PKIG: variants seen among roughly 807,000 people sequenced by gnomAD.
PKIG encodes protein kinase (cAMP-dependent, catalytic) inhibitor gamma.
Under a neutral mutation model 6.8 loss-of-function variants are expected in PKIG, and 1 was observed. That is an observed-to-expected ratio of 0.15 (90% CI 0.05 to 0.69). PKIG has a LOEUF of 0.69. Among genes scored for constraint, PKIG ranks in the 30% least tolerant of loss-of-function variants. The pLI is 0.82. For synonymous variants in PKIG, 39 were observed against 43.0 expected, an observed-to-expected ratio of 0.91 and a Z score of 0.36; for missense variants, 77 against 104.0, an observed-to-expected ratio of 0.74 and a Z score of 1.13.
intron 2 of PKIG, among the ~76,000 whole-genome samples, chr20:44,606,796 A>G (rs1384421926): frequency 6.6e-6 from 1 of 152,174 alleles, no homozygotes; most frequent in African/African-American, 2.4e-5. Flanking sequence ...GCGACAGAAC[A>G]AGACTCCATC....
At chr20:44,561,626 A>G (rs1329975543) in intron 1 of PKIG, among the ~76,000 whole-genome samples, 3 of 152,140 alleles carry the variant, frequency 2.0e-5, no homozygotes, top group Non-Finnish European at 2.9e-5. Context: ...TTTTTTTTTC[A>G]AGTTTTTTCT....
At chr20:44,577,575 T>C (rs2064910022) in intron 1 of PKIG, among the ~76,000 whole-genome samples, 1 of 152,242 alleles carries the variant, frequency 6.6e-6, no homozygotes, top group Admixed American at 6.5e-5. Flanking sequence ...ATTATGATTA[T>C]AATTGGAAGA....
chr20:44,566,494 G>A (rs1312293139), intron 1 of PKIG, among the ~76,000 whole-genome samples: 5 of 152,182 alleles, frequency 3.3e-5, no homozygotes, highest in Non-Finnish European at 7.3e-5. Context: ...TATATTATAT[G>A]TAAATGAAAC....
intron 1 of PKIG, among the ~76,000 whole-genome samples, chr20:44,534,175 T>C (rs556444500): frequency 1.3e-4 from 20 of 152,066 alleles, no homozygotes; most frequent in South Asian, 6.2e-4. Flanking sequence ...AAAGAGCCAG[T>C]GGAGAGAGAG....
upstream of PKIG, among the ~76,000 whole-genome samples, chr20:44,579,805 G>C (rs1375655566): frequency 6.6e-6 from 1 of 152,148 alleles, no homozygotes; most frequent in Non-Finnish European, 1.5e-5. Context: ...TTATGAATGG[G>C]CTCCTTACTA....
chr20:44,582,256 G>A (rs2064954746), upstream of PKIG, among the ~76,000 whole-genome samples: 1 of 152,150 alleles, frequency 6.6e-6, no homozygotes, highest in South Asian at 2.1e-4. Context: ...AAACACACAG[G>A]AAAGCAGACA....
chr20:44,565,794 G>C (rs1023674075), intron 1 of PKIG, among the ~76,000 whole-genome samples: 1 of 152,144 alleles, frequency 6.6e-6, no homozygotes, highest in African/African-American at 2.4e-5. Flanking sequence ...ACAGAGTATT[G>C]CTCTGTCGCC....
intron 1 of PKIG, among the ~76,000 whole-genome samples, chr20:44,540,574 T>G (rs1312126033): frequency 6.6e-6 from 1 of 151,630 alleles, no homozygotes; most frequent in Non-Finnish European, 1.5e-5. Flanking sequence ...TTTTTTTTTG[T>G]TTTTGTTTTT....
chr20:44,568,119 T>C (rs186383795), intron 1 of PKIG, among the ~76,000 whole-genome samples: 3 of 152,280 alleles, frequency 2.0e-5, no homozygotes, highest in African/African-American at 7.2e-5. Context: ...CGAGCCTGGG[T>C]GACAGAATGA....
chr20:44,616,064 A>G (rs2065261629), intron 3 of PKIG, among the ~76,000 whole-genome samples: 1 of 152,122 alleles, frequency 6.6e-6, no homozygotes. Context: ...TCCTCTCGCC[A>G]GCCATAGTCA....
chr20:44,573,380 T>G (rs2064869918), intron 1 of PKIG, among the ~76,000 whole-genome samples: 1 of 152,278 alleles, frequency 6.6e-6, no homozygotes, highest in Non-Finnish European at 1.5e-5. Flanking sequence ...TTTAACATTT[T>G]GTTGTTGAGA....
intron 3 of PKIG, among the ~76,000 whole-genome samples, chr20:44,615,039 C>G (rs2065252242): frequency 6.6e-6 from 1 of 152,084 alleles, no homozygotes; most frequent in Non-Finnish European, 1.5e-5. Flanking sequence ...CGGCCGGCTT[C>G]CCTGGGCTCC....
intron 1 of PKIG, among the ~76,000 whole-genome samples, chr20:44,587,966 C>T (rs1480156555): frequency 6.6e-6 from 1 of 151,970 alleles, no homozygotes; most frequent in Non-Finnish European, 1.5e-5. Context: ...ATGCAAGGTG[C>T]GGTGGGGAAT....
intron 1 of PKIG, among the ~76,000 whole-genome samples, chr20:44,583,020 A>G (rs2064961259): frequency 6.6e-6 from 1 of 152,228 alleles, no homozygotes; most frequent in South Asian, 2.1e-4. Context: ...CCTTGCTCCA[A>G]ATATAGGTGA....
intron 2 of PKIG, among the ~76,000 whole-genome samples, chr20:44,593,516 A>G (rs994788896): frequency 6.6e-5 from 10 of 152,144 alleles, no homozygotes; most frequent in African/African-American, 2.2e-4. Flanking sequence ...CAGAAAGACA[A>G]ATACTACAGG....
chr20:44,561,336 CA>C (rs906391101), intron 1 of PKIG, among the ~76,000 whole-genome samples: 65 of 140,636 alleles, frequency 4.6e-4, no homozygotes, highest in Non-Finnish European at 5.8e-4. Context: ...GACTCCGTCT[CA>C]AAAAAAAAAA....
intron 1 of PKIG, among the ~76,000 whole-genome samples, chr20:44,586,899 G>A (rs945624965): frequency 6.6e-6 from 1 of 152,210 alleles, no homozygotes; most frequent in South Asian, 2.1e-4. Flanking sequence ...GGAGGAAGCT[G>A]CATTTCCAAA....
intron 2 of PKIG, among the ~76,000 whole-genome samples, chr20:44,599,903 G>A (rs180882665): frequency 3.0e-4 from 45 of 152,228 alleles, no homozygotes; most frequent in African/African-American, 9.4e-4. Flanking sequence ...AAGTCCTTGT[G>A]GCATCCACCA....
rs184668274 is a variant in PKIG at position 44,532,187 on chromosome 20, A to G, written c.-241+209A>G. On this transcript the variant is annotated intron_variant, in intron 1 of 4. Coordinates refer to the PKIG transcript ENST00000372887. ...GAGAGTCCGTTTTCGGCTGTTTATT[A>G]TATTTGTAGCCATTGGTCGACCTCA... Among the ~76,000 whole-genome samples, 4 of 152,230 alleles carry G rather than the reference A, an allele frequency of 2.6e-5. No homozygotes were observed. In the East Asian group the frequency reaches 7.7e-4, roughly 29 times the overall value.
Sources: gnomAD v4.1 joint callset for allele counts (sites outside exome capture counted in the v4.1 genomes callset) on GRCh38, gnomAD v4.1.1 for gene constraint, MANE v1.5 for transcripts, NCBI Gene and HGNC (gene_info 2026-07-23, HGNC 2026-07-21) for gene names.